The following TDP1 variants were observed in gnomAD, a reference collection of about 807,000 sequenced individuals.
TDP1 encodes the protein tyr-DNA phosphodiesterase 1.
In TDP1, 64 loss-of-function variants were observed where a neutral mutation model predicts 81.5. The ratio of observed to expected loss-of-function variants is 0.79; its 90% CI spans 0.64 to 0.97. The LOEUF (loss-of-function observed/expected upper bound fraction) is 0.97. Ranked by LOEUF, TDP1 falls within the 50% of genes least tolerant of loss-of-function variation. The probability of loss-of-function intolerance (pLI) is 0.00; values close to 1 mark genes in which losing one functional copy is unlikely to be tolerated. For missense variants in TDP1, 723 were observed against 743.8 expected, an observed-to-expected ratio of 0.97 and a Z score of 0.33; for synonymous variants, 256 against 264.3, an observed-to-expected ratio of 0.97 and a Z score of 0.30.
intron 14 of TDP1, among the ~76,000 whole-genome samples, chr14:89,997,584 TG>T (rs1484539395): frequency 3.9e-5 from 6 of 152,202 alleles, no homozygotes; most frequent in Non-Finnish European, 7.3e-5. Flanking sequence ...TGGTTAGTAC[TG>T]ATTGTTAACA....
intron 4 of TDP1, among the ~76,000 whole-genome samples, chr14:89,966,723 G>T (rs1892984453): frequency 6.6e-6 from 1 of 152,186 alleles, no homozygotes; most frequent in African/African-American, 2.4e-5. Context: ...CTTTATGTTT[G>T]GTTTGGCATT....
chr14:90,030,403 C>T lies in TDP1; in HGVS notation c.1645-2703C>T, dbSNP rs78443617. ...TTTTTCAAGCCCTAGCTAAAATATC[C>T]TCTACAAAGCCTTTCCTTATCCTTC... On this transcript the variant is annotated intron_variant, in intron 15 of 16. Transcript: ENST00000335725. Among the ~76,000 whole-genome samples, 838 of 152,320 alleles carry T rather than the reference C, an allele frequency of 5.5e-3. 7 individuals are homozygous for T. Among genetic ancestry groups the T allele is most frequent in the African/African-American group, 0.019 (804 of 41,564 alleles).
At chr14:89,982,880 A>G (rs76843869) in intron 8 of TDP1, among the ~76,000 whole-genome samples, 2,618 of 152,110 alleles carry the variant, frequency 0.017, 67 homozygotes, top group African/African-American at 0.059. Context: ...ATACAATCTC[A>G]CTTCATAATT....
chr14:89,997,024 A>G (rs1225285863), intron 14 of TDP1, among the ~76,000 whole-genome samples: 1 of 152,244 alleles, frequency 6.6e-6, no homozygotes, highest in African/African-American at 2.4e-5. Flanking sequence ...AAAGAGATTT[A>G]CCAAAGAATT....
At position 89,993,489 on chromosome 14, in the gene TDP1, T is replaced by C. The variant is rs749004683; in HGVS notation, c.1541+6T>C. The stretch of plus-strand genomic sequence containing the variant: ...GCTTGGTTCCTTGTCACAAGGTAAA[T>C]AGTCCTTACATTCCTGATGGGAGAA... On this transcript the variant is annotated splice_donor_region_variant and intron_variant, in intron 14 of 16. Coordinates refer to ENST00000335725, the MANE Select transcript of TDP1 (RefSeq NM_018319.4). 6.2e-7 allele frequency: 1 copy of C among 1,611,768 alleles called. No homozygotes were observed. The highest frequency in any genetic ancestry group is 8.5e-7 in the Non-Finnish European group (1 of 1,178,126).
intron 7 of TDP1, 92 bp from the exon 8 acceptor site, chr14:89,980,448 T>C (rs1395110579): frequency 1.4e-6 from 2 of 1,438,008 alleles, no homozygotes; most frequent in African/African-American, 2.8e-5. Flanking sequence ...TTTAAAAAAA[T>C]TCCTTTAGCT....
At chr14:90,035,831 A>G (rs1566931716) in intron 16 of TDP1, among the ~76,000 whole-genome samples, 1 of 147,488 alleles carries the variant, frequency 6.8e-6, no homozygotes. Context: ...TGGGCCCTGC[A>G]CTTCCCACCC....
intron 14 of TDP1, among the ~76,000 whole-genome samples, chr14:89,995,983 T>C (rs1441371179): frequency 2.6e-5 from 4 of 152,234 alleles, no homozygotes; most frequent in Non-Finnish European, 4.4e-5. Flanking sequence ...AGACCAATTA[T>C]GTGCTTGAGG....
chr14:90,032,080 G>A (rs1409920400), intron 15 of TDP1, among the ~76,000 whole-genome samples: 2 of 152,192 alleles, frequency 1.3e-5, no homozygotes, highest in African/African-American at 4.8e-5. Flanking sequence ...CACCATGCCT[G>A]ACCCAGAAGA....
At chr14:90,013,374 A>G (rs1479411864) in intron 14 of TDP1, among the ~76,000 whole-genome samples, 1 of 151,996 alleles carries the variant, frequency 6.6e-6, no homozygotes. Flanking sequence ...TAATTGAATC[A>G]TGGGAGTGGG....
intron 2 of TDP1, among the ~76,000 whole-genome samples, chr14:89,961,451 C>A (rs146364811): frequency 3.9e-5 from 6 of 152,306 alleles, no homozygotes; most frequent in East Asian, 3.9e-4. Flanking sequence ...GAAAAAAGAA[C>A]CTTGTGGAAG....
At position 89,963,771 on chromosome 14, in the gene TDP1, C is replaced by G. The variant is rs554918145; in HGVS notation, c.559+98C>G. On this transcript the variant is annotated intron_variant, in intron 3 of 16. Transcript: ENST00000335725. ...CAGCCTAGAATAGTTTCTGAGAACT[C>G]TTCTTTGTGTTCTTAACTACTTTCA... 3.2e-4 allele frequency: 441 copies of G among 1,396,836 alleles called. 3 individuals are homozygous for G. In the African/African-American group the frequency reaches 5.5e-3, roughly 18 times the overall value. 86.5% of individuals were successfully genotyped at this position (1,396,836 alleles called of 1,614,324 possible). A position where few individuals can be genotyped will look rare whatever the true frequency, so the allele number is the denominator to read the frequency against.
chr14:90,022,324 A>C (rs1438410334), intron 15 of TDP1, among the ~76,000 whole-genome samples: 1 of 152,246 alleles, frequency 6.6e-6, no homozygotes, highest in East Asian at 1.9e-4. Context: ...GGGGGATGTC[A>C]TGGGATCAGA....
chr14:90,032,946 T>C (rs1228883885), intron 15 of TDP1, 160 bp from the exon 16 acceptor site: 3 of 653,930 alleles, frequency 4.6e-6, no homozygotes, highest in Non-Finnish European at 5.7e-6. Flanking sequence ...GGCGGGGGGG[T>C]TGTAAATATA....
intron 3 of TDP1, 57 bp from the exon 4 acceptor site, chr14:89,966,087 GATT>G: frequency 8.5e-7 from 1 of 1,180,716 alleles, no homozygotes; most frequent in African/African-American, 1.5e-5. Flanking sequence ...AGTTAGTAGT[GATT>G]ATTATGACTA....
At chr14:89,970,503 CTATAT>C (rs1893494281) in intron 5 of TDP1, among the ~76,000 whole-genome samples, 2 of 151,886 alleles carry the variant, frequency 1.3e-5, no homozygotes, top group African/African-American at 4.8e-5. Flanking sequence ...GCAAAAAGCA[CTATAT>C]TATATAATAA....
chr14:90,037,688 T>C (rs1399678989), intron 16 of TDP1, among the ~76,000 whole-genome samples: 1 of 152,212 alleles, frequency 6.6e-6, no homozygotes, highest in East Asian at 1.9e-4. Flanking sequence ...GATGTCCTTT[T>C]ATCCCTAAAT....
chr14:90,042,993 T>G (rs1051507366), intron 16 of TDP1, 77 bp from the exon 17 acceptor site: 85 of 1,610,454 alleles, frequency 5.3e-5, no homozygotes, highest in Middle Eastern at 1.6e-4. Context: ...AGCACATAAG[T>G]GTTTTTATGC....
In TDP1 at chr14:89,996,228, C is replaced by T. The variant is rs531797536; in HGVS notation, c.1541+2745C>T. ...TAGAGTTTCCTCATTGTTCCATGTT[C>T]AGAATTCCCCACGTCCTGTAGGCTA... On this transcript the variant is annotated intron_variant, in intron 14 of 16. Transcript: ENST00000335725. 6.6e-5 allele frequency among the ~76,000 whole-genome samples: 10 copies of T among 152,256 alleles called. No individual in the cohort carries two copies. The East Asian group carries it at 1.7e-3, about 26-fold the overall frequency.
Sources: allele counts gnomAD v4.1 joint callset (sites outside exome capture counted in the v4.1 genomes callset), GRCh38; gene constraint gnomAD v4.1.1; transcripts MANE v1.5; gene names NCBI Gene and HGNC (gene_info 2026-07-23, HGNC 2026-07-21).